The following GSAP variants were observed in gnomAD, a reference collection of about 807,000 sequenced individuals.
GSAP encodes the protein gamma-secretase-activating protein.
Under a neutral mutation model 131.7 loss-of-function variants are expected in GSAP, and 118 were observed. That is an observed-to-expected ratio of 0.90 (90% CI 0.77 to 1.04). The LOEUF (loss-of-function observed/expected upper bound fraction) is 1.04, where lower values mean the gene tolerates loss of function less well. GSAP is among the 50% of genes least tolerant of loss of function. GSAP has a pLI of 0.00. For missense variants in GSAP, 1,019 were observed against 1,013.2 expected (o/e 1.01, Z -0.08); for synonymous variants, 381 against 363.4 (o/e 1.05, Z -0.55).
chr7:77,357,540 C>A (rs963838981), intron 14 of GSAP, among the ~76,000 whole-genome samples: 1 of 152,064 alleles, frequency 6.6e-6, no homozygotes, highest in Non-Finnish European at 1.5e-5. Flanking sequence ...CAGGGGTGTC[C>A]AATCTTTTGG....
intron 6 of GSAP, among the ~76,000 whole-genome samples, chr7:77,383,744 C>A (rs1798121853): frequency 6.6e-6 from 1 of 152,172 alleles, no homozygotes; most frequent in Non-Finnish European, 1.5e-5. Context: ...CATTTTGCAG[C>A]ATGAAAGACC....
chr7:77,317,921 C>A (rs1787082173), intron 26 of GSAP, among the ~76,000 whole-genome samples: 1 of 152,196 alleles, frequency 6.6e-6, no homozygotes, highest in South Asian at 2.1e-4. Context: ...CCATTCCCCT[C>A]ACAAATGGTC....
chr7:77,321,898 T>C (rs1787697980), intron 24 of GSAP, among the ~76,000 whole-genome samples: 1 of 152,226 alleles, frequency 6.6e-6, no homozygotes, highest in Non-Finnish European at 1.5e-5. Context: ...AATTGCAGTG[T>C]CCTCATCTGT....
chr7:77,370,249 G>A (rs1426313330), intron 12 of GSAP, among the ~76,000 whole-genome samples: 1 of 152,146 alleles, frequency 6.6e-6, no homozygotes, highest in Non-Finnish European at 1.5e-5. Context: ...TCTGAGGTCA[G>A]GAGTTCGAGA....
chr7:77,390,393 T>G (rs546110412), intron 5 of GSAP, among the ~76,000 whole-genome samples: 7 of 152,346 alleles, frequency 4.6e-5, no homozygotes, highest in Admixed American at 4.6e-4. Context: ...GCCTAGGTTT[T>G]CTTCTAGGGT....
intron 5 of GSAP, 126 bp downstream of exon 5, chr7:77,396,856 G>T: frequency 9.8e-6 from 5 of 512,056 alleles, no homozygotes; most frequent in African/African-American, 2.0e-5. Flanking sequence ...CATGACCTTT[G>T]CCTTTTATTC....
At chr7:77,399,777 G>A (rs906712232) in intron 3 of GSAP, among the ~76,000 whole-genome samples, 2 of 152,010 alleles carry the variant, frequency 1.3e-5, no homozygotes, top group African/African-American at 4.8e-5. Flanking sequence ...TTAAAACCCT[G>A]GACATATATT....
intron 19 of GSAP, among the ~76,000 whole-genome samples, chr7:77,334,600 A>AAAAAAAAAAAAAAAAAAAAAAAAAAC (rs1179474695): frequency 6.7e-6 from 1 of 149,502 alleles, no homozygotes; most frequent in Non-Finnish European, 1.5e-5. Context: ...AAAAAAAAAA[A>AAAAAAAAAAAAAAAAAAAAAAAAAAC]AAAAAAGATG....
chr7:77,322,590 T>G (rs1454798094), intron 24 of GSAP, among the ~76,000 whole-genome samples: 2 of 134,352 alleles, frequency 1.5e-5, no homozygotes, highest in East Asian at 1.9e-4. Context: ...GAGTTTTTTT[T>G]TTTTTTTTTT....
At chr7:77,345,870 C>A (rs780459113) in intron 19 of GSAP, among the ~76,000 whole-genome samples, 1 of 152,126 alleles carries the variant, frequency 6.6e-6, no homozygotes, top group African/African-American at 2.4e-5. Flanking sequence ...TTCACCTGGA[C>A]GCACGTGACA....
chr7:77,402,197 C>G (rs944767820), intron 3 of GSAP, among the ~76,000 whole-genome samples: 2 of 150,128 alleles, frequency 1.3e-5, no homozygotes, highest in Admixed American at 6.6e-5. Context: ...TTTTTTTTCT[C>G]TTGATGGCAC....
In GSAP at chr7:77,377,146, G is replaced by A. The variant is rs561460822; in HGVS notation, c.681+140C>T. 3.2e-5 allele frequency: 32 copies of A among 1,002,966 alleles called. No homozygotes were observed. In the South Asian group the frequency reaches 6.3e-4, roughly 20 times the overall value. The allele number at this position is 1,002,966 out of a possible 1,614,324, so 62.1% of individuals were successfully genotyped here. On this transcript the variant is annotated intron_variant, in intron 9 of 30. Coordinates refer to ENST00000257626, the MANE Select transcript of GSAP (RefSeq NM_017439.4). ...GCAGGTGCATCACTTGAGCCCAGGAGTTCAAGGCTGCAGTGAGCTATGATC... is the reference window on the plus strand; with the variant it reads ...GCAGGTGCATCACTTGAGCCCAGGAATTCAAGGCTGCAGTGAGCTATGATC...
At chr7:77,399,281 C>T (rs1800932151) in intron 3 of GSAP, among the ~76,000 whole-genome samples, 1 of 152,154 alleles carries the variant, frequency 6.6e-6, no homozygotes, top group Non-Finnish European at 1.5e-5. Context: ...TGGGGTGTTA[C>T]TTCAGTATTG....
rs13437720 is a variant in GSAP, at chr7:77,377,311, T to C, written c.656A>G (p.Gln219Arg). ...FVWAQWDMSEQRLYYIDLKKS... is the reference protein window; with the variant it reads ...FVWAQWDMSERRLYYIDLKKS... ...CTTCAGGTCAATGTAATATAATCTC[T>C]GTTCTGACATATCCCACTGAGCCCA... Residue 219 changes from glutamine to arginine, a missense_variant, in exon 9 of 31, where the codon CAG becomes CGG. Physicochemically the swap from Gln to Arg is conservative, Grantham distance 43. Coordinates refer to ENST00000257626, the MANE Select transcript of GSAP (RefSeq NM_017439.4). The C allele has an allele frequency of 1.3e-6, 2 of 1,559,728 alleles. No individual in the cohort carries two copies. The highest frequency in any genetic ancestry group is 2.8e-5 in the African/African-American group (2 of 71,586).
Position 77,313,561 on chromosome 7 carries a change from T to C in GSAP, c.2210-12A>G, listed in dbSNP as rs1308080474. The stretch of plus-strand genomic sequence containing the variant: ...TGTATTATCCAGATCTACAAGAAAG[T>C]TAGAGATTAGCAAATGAAACAAATA... On this transcript the variant is annotated splice_polypyrimidine_tract_variant and intron_variant, in intron 27 of 30. Coordinates refer to ENST00000257626, the MANE Select transcript of GSAP (RefSeq NM_017439.4). The C allele has an allele frequency of 2.2e-6, 3 of 1,340,496 alleles. 1 individual carries two copies. Among genetic ancestry groups the C allele is most frequent in the Non-Finnish European group, 3.2e-6 (3 of 940,068 alleles). The allele number at this position is 1,340,496 out of a possible 1,614,324, so 83.0% of individuals were successfully genotyped here.
At chr7:77,345,015 T>C (rs571702317) in intron 19 of GSAP, among the ~76,000 whole-genome samples, 4 of 152,336 alleles carry the variant, frequency 2.6e-5, no homozygotes, top group South Asian at 2.1e-4. Flanking sequence ...TGGCCTGGTA[T>C]ATGACAACAT....
At chr7:77,362,486 C>G (rs1252152755) in intron 13 of GSAP, 97 bp downstream of exon 13, 9 of 677,514 alleles carry the variant, frequency 1.3e-5, no homozygotes, top group Non-Finnish European at 2.1e-5. Context: ...GACCCTGTCT[C>G]CAAAAAATTA....
At chr7:77,411,392 G>T (rs1803257965) in intron 1 of GSAP, among the ~76,000 whole-genome samples, 1 of 152,146 alleles carries the variant, frequency 6.6e-6, no homozygotes, top group Non-Finnish European at 1.5e-5. Context: ...TTATTTTCTT[G>T]AAGATGTGAT....
chr7:77,324,825 ACTT>A (rs1422932388), intron 23 of GSAP, among the ~76,000 whole-genome samples: 7 of 114,322 alleles, frequency 6.1e-5, no homozygotes, highest in East Asian at 2.4e-4. Context: ...TGTTTGCCAT[ACTT>A]TTTTTTTTTT....
Sources: gnomAD v4.1 joint callset for allele counts (sites outside exome capture counted in the v4.1 genomes callset) on GRCh38, gnomAD v4.1.1 for gene constraint, MANE v1.5 for transcripts, NCBI Gene and HGNC (gene_info 2026-07-23, HGNC 2026-07-21) for gene names.